Variants in ZFP41 observed in about 807,000 individuals in gnomAD.
ZFP41 encodes the protein ZFP41 zinc finger protein.
A neutral mutation model predicts 11.6 loss-of-function variants in ZFP41; 10 were observed. That is an observed-to-expected ratio of 0.86 (90% CI 0.53 to 1.47). The LOEUF is 1.47. Ranked by LOEUF, ZFP41 falls within the 40% of genes most tolerant of loss-of-function variation. ZFP41 has a pLI of 0.00. For synonymous variants in ZFP41, 123 were observed against 100.9 expected (o/e 1.22, Z -1.31); for missense variants, 302 against 264.6 (o/e 1.14, Z -0.98).
At chr8:143,253,676 T>G (rs1814835700) in intron 2 of ZFP41, 1 of 152,240 alleles carries the variant, frequency 6.6e-6, no homozygotes, top group Non-Finnish European at 1.5e-5. Context: ...GTCTGTCCCC[T>G]CCAGATCTTA....
Position 143,250,729 on chromosome 8 carries a change from G to A in ZFP41, c.*289G>A. 1 of 498,738 alleles carries A rather than the reference G, an allele frequency of 2.0e-6. No homozygotes were observed. 30.9% of individuals were successfully genotyped at this position (498,738 alleles called of 1,614,324 possible). On this transcript the variant is annotated 3_prime_UTR_variant, in exon 2 of 3. Coordinates refer to ENST00000330701, the MANE Select transcript of ZFP41 (RefSeq NM_173832.6). ...TTCCAAGTTCCCGATGGCGAACGGG[G>A]CTCAGCACCAGAGACCAGGGAGTAT...
intron 2 of ZFP41, among the ~76,000 whole-genome samples, chr8:143,259,034 A>G (rs7387428): frequency 0.85 from 129,694 of 152,250 alleles, 55,400 homozygotes; most frequent in African/African-American, 0.92. Context: ...ACGTGTGTGC[A>G]CGCAGCCAGA....
intron 1 of ZFP41, among the ~76,000 whole-genome samples, chr8:143,248,725 G>A (rs1056485782): frequency 5.3e-5 from 8 of 150,960 alleles, no homozygotes; most frequent in African/African-American, 2.0e-4. Context: ...GCTGCTTTAT[G>A]CCTGCATCCT....
chr8:143,256,726 C>A (rs1356384280), intron 2 of ZFP41, among the ~76,000 whole-genome samples: 1 of 152,060 alleles, frequency 6.6e-6, no homozygotes, highest in African/African-American at 2.4e-5. Flanking sequence ...ATAAAAGATA[C>A]ATTTTTTTAA....
At chr8:143,259,611 C>T (rs1016263120) in intron 2 of ZFP41, among the ~76,000 whole-genome samples, 164 bp from the exon 3 acceptor site, 1 of 151,054 alleles carries the variant, frequency 6.6e-6, no homozygotes, top group Non-Finnish European at 1.5e-5. Context: ...ATCTTGAGGC[C>T]CCCCCGCCCC....
Position 143,249,708 on chromosome 8 carries a change from C to A in ZFP41, c.-136C>A. ...TCCCCAGCACCAAGAGGATGGTGGC[C>A]CTTGGCCTCCTGGTGCAGAGCATCA... On this transcript the variant is annotated 5_prime_UTR_variant, in exon 2 of 3. Coordinates refer to ENST00000330701, the MANE Select transcript of ZFP41 (RefSeq NM_173832.6). The A allele has an allele frequency of 7.2e-7, 1 of 1,381,770 alleles. No individual in the cohort carries two copies. The highest frequency in any genetic ancestry group is 2.5e-5 in the East Asian group (1 of 39,994). The allele number at this position is 1,381,770 out of a possible 1,614,324, so 85.6% of individuals were successfully genotyped here. A position where few individuals can be genotyped will look rare whatever the true frequency, so the allele number is the denominator to read the frequency against.
chr8:143,258,916 G>A (rs548868659), intron 2 of ZFP41, among the ~76,000 whole-genome samples: 24 of 152,296 alleles, frequency 1.6e-4, no homozygotes, highest in Admixed American at 3.9e-4. Context: ...CTCCTGCTGC[G>A]GCACCAGGCA....
Position 143,250,471 on chromosome 8 carries a change from G to T in ZFP41, c.*31G>T. 2 of 1,592,342 alleles carry T rather than the reference G, an allele frequency of 1.3e-6. No individual in the cohort carries two copies. The highest frequency in any genetic ancestry group is 1.7e-6 in the Non-Finnish European group (2 of 1,168,580). Reference sequence around the variant, plus strand: ...GGCCATCTGCGGACTCGGGCCCTGCGGTGCGAGCCTCGCCGGACACCTGCT... The same window carrying T: ...GGCCATCTGCGGACTCGGGCCCTGCTGTGCGAGCCTCGCCGGACACCTGCT... On this transcript the variant is annotated 3_prime_UTR_variant, in exon 2 of 3. Coordinates refer to ENST00000330701, the MANE Select transcript of ZFP41 (RefSeq NM_173832.6).
In ZFP41 at chr8:143,249,776, A is replaced by G; in HGVS notation, c.-68A>G. On this transcript the variant is annotated 5_prime_UTR_variant, in exon 2 of 3. Transcript: ENST00000330701. ...TGGAGAGGTGCGTGGGAAGCAAGCC[A>G]TTGAGGAAGTGGGGCCAACAGAGAG... 1 of 1,512,034 alleles carries G rather than the reference A, an allele frequency of 6.6e-7. No homozygotes were observed. The highest frequency in any genetic ancestry group is 8.8e-7 in the Non-Finnish European group (1 of 1,135,380). The allele number at this position is 1,512,034 out of a possible 1,614,324, so 93.7% of individuals were successfully genotyped here.
chr8:143,259,942 C>T lies in ZFP41; in HGVS notation c.*1068C>T, dbSNP rs542385062. 3 of 152,568 alleles carry T rather than the reference C, an allele frequency of 2.0e-5. No individual in the cohort carries two copies. The highest frequency in any genetic ancestry group is 7.2e-5 in the African/African-American group (3 of 41,580). The allele number at this position is 152,568 out of a possible 1,614,324, so 9.5% of individuals were successfully genotyped here. A position where few individuals can be genotyped will look rare whatever the true frequency, so the allele number is the denominator to read the frequency against. On this transcript the variant is annotated 3_prime_UTR_variant, in exon 3 of 3. Coordinates refer to ENST00000330701, the MANE Select transcript of ZFP41 (RefSeq NM_173832.6). The stretch of plus-strand genomic sequence containing the variant: ...GAAAGAGAAGAAAAGGAACCTCCTT[C>T]TGTGCAGCAGGCTCCTGGCCCAGGG...
chr8:143,256,755 T>G (rs997842682), intron 2 of ZFP41, among the ~76,000 whole-genome samples: 7 of 152,218 alleles, frequency 4.6e-5, no homozygotes, highest in Non-Finnish European at 1.0e-4. Context: ...GGAAATTTTT[T>G]TTAACGTTTA....
At position 143,251,222 on chromosome 8, in the gene ZFP41, C is replaced by G. The variant is rs1047153263; in HGVS notation, c.*782C>G. The G allele has an allele frequency of 6.0e-6, 1 of 167,282 alleles. No homozygotes were observed. The highest frequency in any genetic ancestry group is 1.9e-4 in the East Asian group (1 of 5,202). 10.4% of individuals were successfully genotyped at this position (167,282 alleles called of 1,614,324 possible). On this transcript the variant is annotated 3_prime_UTR_variant, in exon 2 of 3. Coordinates refer to ENST00000330701, the MANE Select transcript of ZFP41 (RefSeq NM_173832.6). ...ACCACCACCTGCTGAGCTTCCCGTCCCAGCCATGCAGTGGGGCCCCTGGGG... is the reference window on the plus strand; with the variant it reads ...ACCACCACCTGCTGAGCTTCCCGTCGCAGCCATGCAGTGGGGCCCCTGGGG...
rs1182054559 is a variant in ZFP41, at chr8:143,249,763, T to C, written c.-81T>C. ...CACGCTGGGAGTGTGGAGAGGTGCG[T>C]GGGAAGCAAGCCATTGAGGAAGTGG... is the stretch of plus-strand genomic sequence containing the variant. On this transcript the variant is annotated 5_prime_UTR_variant, in exon 2 of 3. Transcript: ENST00000330701. 2.8e-5 allele frequency: 42 copies of C among 1,502,266 alleles called. No individual in the cohort carries two copies. Among genetic ancestry groups the C allele is most frequent in the Non-Finnish European group, 3.6e-5 (41 of 1,131,092 alleles). The allele number at this position is 1,502,266 out of a possible 1,614,324, so 93.1% of individuals were successfully genotyped here.
chr8:143,259,289 C>T (rs1163829819), intron 2 of ZFP41, among the ~76,000 whole-genome samples: 3 of 151,994 alleles, frequency 2.0e-5, no homozygotes, highest in Admixed American at 2.0e-4. Context: ...AGCAAAACTA[C>T]ACAGTGTGGT....
At chr8:143,257,221 G>A (rs759399239) in intron 2 of ZFP41, among the ~76,000 whole-genome samples, 9 of 152,268 alleles carry the variant, frequency 5.9e-5, no homozygotes, top group Non-Finnish European at 1.3e-4. Context: ...GCCAGGCACG[G>A]TGGCTCACGC....
chr8:143,250,711 T>G lies in ZFP41; in HGVS notation c.*271T>G. On this transcript the variant is annotated 3_prime_UTR_variant, in exon 2 of 3. Coordinates refer to ENST00000330701, the MANE Select transcript of ZFP41 (RefSeq NM_173832.6). ...TTGCAGCCACAGAGCATTTTCCAAG[T>G]TCCCGATGGCGAACGGGGCTCAGCA... is the stretch of plus-strand genomic sequence containing the variant. 3.7e-6 allele frequency: 2 copies of G among 536,850 alleles called. No individual in the cohort carries two copies. Among genetic ancestry groups the G allele is most frequent in the Non-Finnish European group, 6.7e-6 (2 of 297,058 alleles). 33.3% of individuals were successfully genotyped at this position (536,850 alleles called of 1,614,324 possible).
At chr8:143,256,845 G>A (rs779251877) in intron 2 of ZFP41, among the ~76,000 whole-genome samples, 3 of 152,158 alleles carry the variant, frequency 2.0e-5, no homozygotes, top group Non-Finnish European at 4.4e-5. Context: ...ACAGACAGAC[G>A]AACTCCTGAC....
intron 1 of ZFP41, chr8:143,249,453 C>T (rs1173183735): frequency 5.7e-6 from 1 of 176,558 alleles, no homozygotes; most frequent in African/African-American, 2.4e-5. Context: ...ATCCTGTGGA[C>T]ATGGTGTGCA....
chr8:143,254,508 C>T (rs1031591350), intron 2 of ZFP41, among the ~76,000 whole-genome samples: 7 of 152,282 alleles, frequency 4.6e-5, no homozygotes, highest in South Asian at 2.1e-4. Flanking sequence ...AGTGTGGACA[C>T]GGCTGTCTAG....
Sources: gnomAD v4.1 joint callset for allele counts (sites outside exome capture counted in the v4.1 genomes callset) on GRCh38, gnomAD v4.1.1 for gene constraint, MANE v1.5 for transcripts, NCBI Gene and HGNC (gene_info 2026-07-23, HGNC 2026-07-21) for gene names.